PARP15: variants seen among roughly 807,000 people sequenced by gnomAD.
The protein encoded by PARP15 is poly(ADP-ribose) polymerase family member 15, also known as protein mono-ADP-ribosyltransferase PARP15.
Under a neutral mutation model 62.1 loss-of-function variants are expected in PARP15, and 50 were observed. That is an observed-to-expected ratio of 0.81 (90% CI 0.64 to 1.02). The LOEUF is 1.02. PARP15 is among the 50% of genes least tolerant of loss of function. PARP15 has a pLI of 0.00. For missense variants in PARP15, 820 were observed against 826.5 expected (o/e 0.99, Z 0.10); for synonymous variants, 309 against 293.1 (o/e 1.05, Z -0.55).
At chr3:122,589,114 A>G (rs543806573) in intron 1 of PARP15, among the ~76,000 whole-genome samples, 4 of 152,232 alleles carry the variant, frequency 2.6e-5, no homozygotes, top group African/African-American at 9.6e-5. Flanking sequence ...TTTTTTTCTC[A>G]TAGTCTGGAG....
intron 1 of PARP15, among the ~76,000 whole-genome samples, chr3:122,601,579 CTT>C (rs1386225443): frequency 6.6e-6 from 1 of 152,168 alleles, no homozygotes; most frequent in Non-Finnish European, 1.5e-5. Flanking sequence ...TCTTCCATGT[CTT>C]TCTGTGGCTT....
At chr3:122,587,718 C>T (rs1186364797) in intron 1 of PARP15, among the ~76,000 whole-genome samples, 6 of 151,958 alleles carry the variant, frequency 3.9e-5, no homozygotes, top group Admixed American at 1.3e-4. Context: ...GAGATGAGGT[C>T]TCACTATATT....
rs762127012 is a variant in PARP15 at position 122,627,060 on chromosome 3, C to T, written c.1438+27C>T. On this transcript the variant is annotated intron_variant, in intron 9 of 11. Coordinates refer to ENST00000464300, the MANE Select transcript of PARP15 (RefSeq NM_001113523.3). ...TAAGATGTTCACTTTTTAAAAATCA[C>T]CCTGCTGGCTCTGATAATCACTTAG... The T allele has an allele frequency of 1.7e-5, 26 of 1,542,370 alleles. No individual in the cohort carries two copies. The South Asian group carries it at 2.8e-4, about 16-fold the overall frequency.
chr3:122,617,200 A>G (rs762691866), intron 6 of PARP15, 36 bp downstream of exon 6: 17 of 1,570,574 alleles, frequency 1.1e-5, no homozygotes, highest in African/African-American at 1.4e-5. Context: ...AATTATTAGT[A>G]TGACTAATTT....
At chr3:122,606,196 C>A in intron 2 of PARP15, 141 bp downstream of exon 2, 1 of 1,082,048 alleles carries the variant, frequency 9.2e-7, no homozygotes, top group Non-Finnish European at 1.3e-6. Flanking sequence ...AAGTTAAACC[C>A]ACTTAAAGTT....
intron 2 of PARP15, among the ~76,000 whole-genome samples, chr3:122,609,798 A>G (rs115909453): frequency 0.012 from 1,815 of 152,230 alleles, 29 homozygotes; most frequent in African/African-American, 0.041. Flanking sequence ...GGTGAGCACA[A>G]AATCTGAGTA....
At chr3:122,622,372 T>C (rs1936406528) in intron 8 of PARP15, among the ~76,000 whole-genome samples, 1 of 152,212 alleles carries the variant, frequency 6.6e-6, no homozygotes, top group Non-Finnish European at 1.5e-5. Context: ...GCTTTCTCGT[T>C]TCCTCCTTTG....
rs915009504 is a variant in PARP15 at position 122,632,030 on chromosome 3, T to G, written c.1439-56T>G. The stretch of plus-strand genomic sequence containing the variant: ...GACAAGTGCAGAGGAGGTGCCCTGA[T>G]TTTCAGAGGTCTTTGGAAATGAATG... On this transcript the variant is annotated intron_variant, in intron 9 of 11. Coordinates refer to ENST00000464300, the MANE Select transcript of PARP15 (RefSeq NM_001113523.3). The G allele has an allele frequency of 1.9e-6, 3 of 1,610,734 alleles. No individual in the cohort carries two copies. The Admixed American group carries it at 5.0e-5, about 27-fold the overall frequency.
In PARP15 at chr3:122,637,548, T is replaced by C. The variant is rs530996263; in HGVS notation, c.*1448T>C. 2 of 152,304 alleles carry C rather than the reference T, an allele frequency of 1.3e-5. No homozygotes were observed. The highest frequency in any genetic ancestry group is 4.8e-5 in the African/African-American group (2 of 41,566). The allele number at this position is 152,304 out of a possible 1,614,324, so 9.4% of individuals were successfully genotyped here. A position where few individuals can be genotyped will look rare whatever the true frequency, so the allele number is the denominator to read the frequency against. On this transcript the variant is annotated 3_prime_UTR_variant, in exon 12 of 12. Transcript: ENST00000464300. ...GCTCATTTATCCTGAAGCATCACTT[T>C]TGAAGAGTTACAGACATTTAAGAAG...
At chr3:122,613,311 C>A (rs898776452) in intron 4 of PARP15, 43 bp downstream of exon 4, 4 of 1,429,846 alleles carry the variant, frequency 2.8e-6, no homozygotes, top group Admixed American at 2.0e-5. Context: ...GCAAGTGAAC[C>A]CAAGCGCATT....
intron 1 of PARP15, among the ~76,000 whole-genome samples, chr3:122,597,248 A>G (rs981554355): frequency 6.6e-6 from 1 of 152,170 alleles, no homozygotes; most frequent in Non-Finnish European, 1.5e-5. Flanking sequence ...TTATGACCTA[A>G]TCACCTCTTA....
Position 122,610,560 on chromosome 3 carries a change from T to C in PARP15, c.373T>C (p.Phe125Leu), listed in dbSNP as rs1333111181. The C allele has an allele frequency of 1.7e-5, 26 of 1,551,618 alleles. No individual in the cohort carries two copies. In the South Asian group the frequency reaches 2.3e-4, roughly 13 times the overall value. ...QLGGGPLSRAFLQKAGPMLQK... is the reference protein window; with the variant it reads ...QLGGGPLSRALLQKAGPMLQK... The stretch of plus-strand genomic sequence containing the variant: ...TGGAGGAGGACCACTATCTCGGGCA[T>C]TTTTGCAGAAAGCTGGTCCCATGCT... The change falls in exon 3 of 12, where the codon TTT becomes CTT. Residue 125 changes from phenylalanine (F) to leucine (L), a missense_variant. Coordinates refer to ENST00000464300, the MANE Select transcript of PARP15 (RefSeq NM_001113523.3).
At chr3:122,601,489 C>T (rs1934792578) in intron 1 of PARP15, among the ~76,000 whole-genome samples, 2 of 152,158 alleles carry the variant, frequency 1.3e-5, no homozygotes, top group Non-Finnish European at 2.9e-5. Flanking sequence ...TTGCCTTTTC[C>T]AGAATGTCAT....
chr3:122,580,307 A>G (rs1211269708), intron 1 of PARP15, among the ~76,000 whole-genome samples: 1 of 151,918 alleles, frequency 6.6e-6, no homozygotes, highest in Admixed American at 6.6e-5. Context: ...AGTTCTCTCA[A>G]TTTTGCTTCA....
chr3:122,613,586 C>G (rs1343397382), intron 4 of PARP15, among the ~76,000 whole-genome samples: 1 of 152,114 alleles, frequency 6.6e-6, no homozygotes, highest in Admixed American at 6.6e-5. Flanking sequence ...GGGGAAAGGG[C>G]AGAATGAGAG....
chr3:122,583,740 C>T (rs542996581), intron 1 of PARP15, among the ~76,000 whole-genome samples: 1 of 152,222 alleles, frequency 6.6e-6, no homozygotes, highest in Non-Finnish European at 1.5e-5. Context: ...AATGCTTTAC[C>T]CTATACCATA....
In PARP15 at chr3:122,608,255, C is replaced by T. The variant is rs189162608; in HGVS notation, c.306+2200C>T. Among the ~76,000 whole-genome samples the T allele has an allele frequency of 9.7e-3, 1,272 of 131,110 alleles. 16 individuals are homozygous for T. Among genetic ancestry groups the T allele is most frequent in the African/African-American group, 0.035 (1,226 of 34,608 alleles). 86.0% of individuals were successfully genotyped at this position (131,110 alleles called of 152,430 possible). On this transcript the variant is annotated intron_variant, in intron 2 of 11. Transcript: ENST00000464300. Reference sequence around the variant, plus strand: ...TTTTTGATACTGAGTCTTGCTCTGTCGCCCAGGCTGGATACAGTGGTGTGA... The same window carrying T: ...TTTTTGATACTGAGTCTTGCTCTGTTGCCCAGGCTGGATACAGTGGTGTGA...
chr3:122,605,232 G>A (rs1935082508), intron 1 of PARP15, among the ~76,000 whole-genome samples: 1 of 152,064 alleles, frequency 6.6e-6, no homozygotes, highest in African/African-American at 2.4e-5. Context: ...GGGGGGTTCA[G>A]TATGCCTGTA....
intron 6 of PARP15, among the ~76,000 whole-genome samples, chr3:122,618,446 GA>G (rs1443504868): frequency 5.3e-5 from 8 of 152,166 alleles, no homozygotes; most frequent in African/African-American, 1.9e-4. Flanking sequence ...AACTGCCATG[GA>G]GTAGAGAAAA....
Sources: allele counts gnomAD v4.1 joint callset (sites outside exome capture counted in the v4.1 genomes callset), GRCh38; gene constraint gnomAD v4.1.1; transcripts MANE v1.5; gene names NCBI Gene and HGNC (gene_info 2026-07-23, HGNC 2026-07-21).